NR2F1-AS1: variants seen among roughly 807,000 people sequenced by gnomAD.
NR2F1-AS1 encodes NR2F1 regulatory antisense RNA 1, also known as NR2F1 antisense RNA 1.
chr5:93,581,821 TCTCTCTCTCTCTCTC>T (rs1174043141), upstream of NR2F1-AS1, among the ~76,000 whole-genome samples: 29 of 61,696 alleles, frequency 4.7e-4, no homozygotes, highest in African/African-American at 1.6e-3. Flanking sequence ...CTCTCGTCTC[TCTCTCTCTCTCTCTC>T]CTCTCTCTCT....
Position 93,492,846 on chromosome 5 carries a change from T to TAA in NR2F1-AS1, n.638+60913_638+60914dup, listed in dbSNP as rs568884397. On this transcript the variant is annotated intron_variant and non_coding_transcript_variant, in intron 4 of 5. Coordinates refer to ENST00000660523, the Ensembl canonical transcript of NR2F1-AS1. ...GACAAAATTCTATATCATTTCATGA[T>TAA]AAAAAAAAAAAACACTCACAAACTA... Among the ~76,000 whole-genome samples the TAA allele has an allele frequency of 9.8e-4, 137 of 139,574 alleles. 2 individuals are homozygous for TAA. In the South Asian group the frequency reaches 0.025, roughly 26 times the overall value. The allele number at this position is 139,574 out of a possible 152,430, so 91.6% of individuals were successfully genotyped here.
chr5:93,465,580 T>C (rs1750210930), intron 4 of NR2F1-AS1, among the ~76,000 whole-genome samples: 1 of 152,210 alleles, frequency 6.6e-6, no homozygotes, highest in African/African-American at 2.4e-5. Flanking sequence ...ACTGGGTATA[T>C]ACCCAAAGGA....
At chr5:93,505,596 T>G (rs1751169275) in intron 4 of NR2F1-AS1, among the ~76,000 whole-genome samples, 1 of 152,230 alleles carries the variant, frequency 6.6e-6, no homozygotes, top group African/African-American at 2.4e-5. Context: ...AATTCTTGAC[T>G]TCTGTGCCCT....
chr5:93,532,218 T>C (rs2149901065), intron 4 of NR2F1-AS1, among the ~76,000 whole-genome samples: 1 of 152,332 alleles, frequency 6.6e-6, no homozygotes, highest in Admixed American at 6.5e-5. Flanking sequence ...ACTTACTGTT[T>C]TATAAAACAT....
At chr5:93,444,883 A>C (rs562370785) in intron 4 of NR2F1-AS1, among the ~76,000 whole-genome samples, 27 of 152,376 alleles carry the variant, frequency 1.8e-4, no homozygotes, top group Admixed American at 9.8e-4. Context: ...ACTGGAATTG[A>C]GGATTAAGAA....
chr5:93,514,352 C>A (rs186046368), intron 4 of NR2F1-AS1, among the ~76,000 whole-genome samples: 66 of 152,160 alleles, frequency 4.3e-4, no homozygotes, highest in Non-Finnish European at 7.9e-4. Flanking sequence ...CTACACTATC[C>A]TCATGATTAA....
At chr5:93,471,044 A>G (rs1463938102) in intron 4 of NR2F1-AS1, among the ~76,000 whole-genome samples, 3 of 151,892 alleles carry the variant, frequency 2.0e-5, no homozygotes, top group African/African-American at 7.2e-5. Flanking sequence ...AAAGTTAAAG[A>G]TATATTTTTG....
chr5:93,505,694 A>G (rs1443837403), intron 4 of NR2F1-AS1, among the ~76,000 whole-genome samples: 2 of 152,126 alleles, frequency 1.3e-5, no homozygotes, highest in Non-Finnish European at 2.9e-5. Flanking sequence ...GGCCCCTTTC[A>G]GCCATGACTG....
At chr5:93,456,278 T>G (rs1486586928) in intron 4 of NR2F1-AS1, among the ~76,000 whole-genome samples, 1 of 152,234 alleles carries the variant, frequency 6.6e-6, no homozygotes, top group East Asian at 1.9e-4. Flanking sequence ...AAAAATCAAT[T>G]GTATTGCCAT....
intron 4 of NR2F1-AS1, among the ~76,000 whole-genome samples, chr5:93,483,321 C>A (rs1025304868): frequency 1.3e-5 from 2 of 152,118 alleles, no homozygotes; most frequent in Non-Finnish European, 2.9e-5. Flanking sequence ...TGAAGCAGAC[C>A]TCCAACAAAC....
chr5:93,422,996 G>C (rs150294909), intron 4 of NR2F1-AS1, among the ~76,000 whole-genome samples: 1 of 152,198 alleles, frequency 6.6e-6, no homozygotes, highest in Non-Finnish European at 1.5e-5. Flanking sequence ...GCTGGGTGAG[G>C]GGTTCCTTCA....
intron 4 of NR2F1-AS1, among the ~76,000 whole-genome samples, chr5:93,520,822 C>T (rs1029268907): frequency 1.3e-5 from 2 of 152,104 alleles, no homozygotes; most frequent in Non-Finnish European, 2.9e-5. Flanking sequence ...TTGCAAGCCT[C>T]CCCCCAAAGA....
At chr5:93,584,919 C>CCCCCTCCCCCCTT (rs1753200645), upstream of NR2F1-AS1, 1 of 142,242 alleles carries the variant, frequency 7.0e-6, no homozygotes, top group Admixed American at 6.9e-5. Flanking sequence ...CCCGCCCCCT[C>CCCCCTCCCCCCTT]CCCCTCCCCC....
chr5:93,426,384 T>C (rs2149844742), intron 4 of NR2F1-AS1, among the ~76,000 whole-genome samples: 1 of 152,284 alleles, frequency 6.6e-6, no homozygotes, highest in East Asian at 1.9e-4. Context: ...GGCAGGGCAA[T>C]GCTCCTTGCC....
At chr5:93,474,251 C>G (rs1366650088) in intron 4 of NR2F1-AS1, among the ~76,000 whole-genome samples, 2 of 152,100 alleles carry the variant, frequency 1.3e-5, no homozygotes, top group African/African-American at 4.8e-5. Flanking sequence ...GTAAAAAAGG[C>G]TTAAGAAAAA....
At chr5:93,519,834 G>A (rs1251100385) in intron 4 of NR2F1-AS1, among the ~76,000 whole-genome samples, 1 of 151,960 alleles carries the variant, frequency 6.6e-6, no homozygotes, top group Non-Finnish European at 1.5e-5. Context: ...TACTGTGTTT[G>A]AAAAATTAGA....
chr5:93,440,359 G>A (rs1414378294), intron 4 of NR2F1-AS1, among the ~76,000 whole-genome samples: 5 of 152,208 alleles, frequency 3.3e-5, no homozygotes, highest in Non-Finnish European at 1.5e-5. Context: ...TGAATCAGTA[G>A]ACTGAGTAAA....
chr5:93,569,791 T>A (rs2149926243), intron 1 of NR2F1-AS1: 1 of 152,314 alleles, frequency 6.6e-6, no homozygotes, highest in South Asian at 2.1e-4. Flanking sequence ...GGCCAGTGAA[T>A]CTGGATTTAT....
chr5:93,493,473 A>G (rs1750893852), intron 4 of NR2F1-AS1, among the ~76,000 whole-genome samples: 1 of 152,098 alleles, frequency 6.6e-6, no homozygotes, highest in African/African-American at 2.4e-5. Flanking sequence ...TCAGATAACA[A>G]TATTACCCAA....
Sources: allele counts gnomAD v4.1 joint callset (sites outside exome capture counted in the v4.1 genomes callset), GRCh38; gene constraint gnomAD v4.1.1; transcripts MANE v1.5; gene names NCBI Gene and HGNC (gene_info 2026-07-23, HGNC 2026-07-21).